Variants in SLC39A14 observed in about 807,000 individuals in gnomAD.
SLC39A14 encodes the protein solute carrier family 39 member 14, also known as metal cation symporter ZIP14.
A neutral mutation model predicts 45.5 loss-of-function variants in SLC39A14; 19 were observed. The observed-to-expected ratio is 0.42, with a 90% CI of 0.29 to 0.61. The LOEUF is 0.61. SLC39A14 is among the 20% of genes least tolerant of loss of function. The pLI is 0.22. For synonymous variants in SLC39A14, 264 were observed against 251.3 expected, an observed-to-expected ratio of 1.05 and a Z score of -0.48; for missense variants, 447 against 616.5, an observed-to-expected ratio of 0.73 and a Z score of 2.91.
intron 3 of SLC39A14, chr8:22,409,877 C>T (rs1461564415): frequency 3.7e-5 from 57 of 1,549,320 alleles, no homozygotes; most frequent in East Asian, 9.0e-5. Context: ...AGAACAGGGC[C>T]GCCCCAGGCA....
chr8:22,383,883 G>A (rs1022929265), intron 1 of SLC39A14, among the ~76,000 whole-genome samples: 1 of 152,142 alleles, frequency 6.6e-6, no homozygotes, highest in Non-Finnish European at 1.5e-5. Flanking sequence ...CCAGGTCCCT[G>A]GGCAGCAAGC....
At chr8:22,374,536 G>A (rs1433720656) in intron 1 of SLC39A14, among the ~76,000 whole-genome samples, 1 of 149,712 alleles carries the variant, frequency 6.7e-6, no homozygotes, top group Non-Finnish European at 1.5e-5. Context: ...GGAGAGCCGT[G>A]TGAATGCTGG....
chr8:22,411,980 G>A, intron 3 of SLC39A14, 57 bp from the exon 4 acceptor site: 1 of 1,483,560 alleles, frequency 6.7e-7, no homozygotes, highest in Non-Finnish European at 9.1e-7. Flanking sequence ...CTGTGCAATG[G>A]GGCATGTGCC....
chr8:22,431,262 C>G (rs1836462730), intron 8 of SLC39A14, among the ~76,000 whole-genome samples: 1 of 152,184 alleles, frequency 6.6e-6, no homozygotes, highest in Admixed American at 6.5e-5. Flanking sequence ...GCTGGGATTA[C>G]AGACGTGAGC....
chr8:22,425,020 C>A (rs933595663), downstream of SLC39A14, among the ~76,000 whole-genome samples: 1 of 127,256 alleles, frequency 7.9e-6, no homozygotes, highest in African/African-American at 3.3e-5. Flanking sequence ...CAGAGTGAGA[C>A]TCCGTCTCAA....
chr8:22,420,264 G>A lies in SLC39A14; in HGVS notation c.*566G>A. 1.0e-6 allele frequency: 1 copy of A among 985,446 alleles called. No individual in the cohort carries two copies. Among genetic ancestry groups the A allele is most frequent in the East Asian group, 1.1e-4 (1 of 8,828 alleles). The allele number at this position is 985,446 out of a possible 1,614,324, so 61.0% of individuals were successfully genotyped here. A position where few individuals can be genotyped will look rare whatever the true frequency, so the allele number is the denominator to read the frequency against. On this transcript the variant is annotated 3_prime_UTR_variant, in exon 9 of 9. Coordinates refer to ENST00000381237, the MANE Select transcript of SLC39A14 (RefSeq NM_001128431.4). ...AAGTCAGAACACATGAGCAGGGTGA[G>A]AGGTGAGGCAAGGTTCATCCTGAAT...
rs59846887 is a variant in SLC39A14, at chr8:22,428,441, CTTTT to C, written c.1333-5434_1333-5431del. On this transcript the variant is annotated intron_variant, in intron 8 of 8. Coordinates refer to the SLC39A14 transcript ENST00000240095. ...TTTTGTGTTCCTCGGTTCATATGTT[CTTTT>C]TTTTTTTTTTTTTTTGAGACTGAGT... is the stretch of plus-strand genomic sequence containing the variant. Among the ~76,000 whole-genome samples, 116 of 116,404 alleles carry C rather than the reference CTTTT, an allele frequency of 1.0e-3. 1 individual carries two copies. The highest frequency in any genetic ancestry group is 3.5e-3 in the African/African-American group (109 of 31,528). 76.4% of individuals were successfully genotyped at this position (116,404 alleles called of 152,430 possible). A position where few individuals can be genotyped will look rare whatever the true frequency, so the allele number is the denominator to read the frequency against.
Position 22,420,653 on chromosome 8 carries a change from A to C in SLC39A14, c.*955A>C. On this transcript the variant is annotated 3_prime_UTR_variant, in exon 9 of 9. Coordinates refer to ENST00000381237, the MANE Select transcript of SLC39A14 (RefSeq NM_001128431.4). ...CAGGTTGAGACGTCTGCAGAGTGGC[A>C]AGCTGACTTGTAGAAATGGGGTGCC... The C allele has an allele frequency of 2.0e-6, 2 of 985,432 alleles. No homozygotes were observed. Among genetic ancestry groups the C allele is most frequent in the Non-Finnish European group, 2.4e-6 (2 of 829,938 alleles). The allele number at this position is 985,432 out of a possible 1,614,324, so 61.0% of individuals were successfully genotyped here. A position where few individuals can be genotyped will look rare whatever the true frequency, so the allele number is the denominator to read the frequency against.
Position 22,408,600 on chromosome 8 carries a change from T to G in SLC39A14, c.457+104T>G, listed in dbSNP as rs1389209505. On this transcript the variant is annotated intron_variant, in intron 3 of 8. Coordinates refer to ENST00000381237, the MANE Select transcript of SLC39A14 (RefSeq NM_001128431.4). ...TGCTCCTCACTGAATGCCTCACCAG[T>G]GATGACCAGGATGAGGTTGTCGGTG... 20 of 1,076,942 alleles carry G rather than the reference T, an allele frequency of 1.9e-5. No individual in the cohort carries two copies. The Admixed American group carries it at 1.9e-4, about 10-fold the overall frequency. The allele number at this position is 1,076,942 out of a possible 1,614,324, so 66.7% of individuals were successfully genotyped here. A position where few individuals can be genotyped will look rare whatever the true frequency, so the allele number is the denominator to read the frequency against.
chr8:22,432,519 C>T (rs1836482129), intron 8 of SLC39A14, among the ~76,000 whole-genome samples: 1 of 151,672 alleles, frequency 6.6e-6, no homozygotes, highest in South Asian at 2.1e-4. Flanking sequence ...TGCTCTGCCA[C>T]CCAGGCTGTA....
chr8:22,410,555 T>C (rs1228558812), intron 3 of SLC39A14, among the ~76,000 whole-genome samples: 1 of 152,186 alleles, frequency 6.6e-6, no homozygotes, highest in Non-Finnish European at 1.5e-5. Flanking sequence ...CCAAGTGATA[T>C]GTAGAATTGG....
intron 1 of SLC39A14, among the ~76,000 whole-genome samples, chr8:22,385,972 C>T (rs933983504): frequency 6.6e-6 from 1 of 152,180 alleles, no homozygotes; most frequent in Non-Finnish European, 1.5e-5. Context: ...GACAGAGTCT[C>T]ACTCTTGCCT....
intron 1 of SLC39A14, among the ~76,000 whole-genome samples, chr8:22,371,261 C>T (rs1344509292): frequency 6.6e-6 from 1 of 152,050 alleles, no homozygotes; most frequent in Non-Finnish European, 1.5e-5. Flanking sequence ...GGGCAGGCCC[C>T]AGAGAATCTT....
At chr8:22,386,131 C>T (rs910042301) in intron 1 of SLC39A14, among the ~76,000 whole-genome samples, 4 of 150,916 alleles carry the variant, frequency 2.7e-5, no homozygotes, top group East Asian at 3.9e-4. Context: ...TTGGTAGAGA[C>T]GGGGTTTCAT....
intron 7 of SLC39A14, among the ~76,000 whole-genome samples, chr8:22,416,487 T>G (rs1185708645): frequency 2.0e-5 from 3 of 152,106 alleles, no homozygotes; most frequent in Non-Finnish European, 4.4e-5. Context: ...TGCAGTGATG[T>G]GATCTCGGCT....
chr8:22,409,675 C>G (rs1037813232), intron 3 of SLC39A14, among the ~76,000 whole-genome samples: 2 of 152,252 alleles, frequency 1.3e-5, no homozygotes, highest in East Asian at 3.8e-4. Flanking sequence ...CGCCACCGCA[C>G]CTGGCCTACT....
At chr8:22,385,320 G>A (rs1407789295) in intron 1 of SLC39A14, among the ~76,000 whole-genome samples, 1 of 152,114 alleles carries the variant, frequency 6.6e-6, no homozygotes, top group Non-Finnish European at 1.5e-5. Context: ...GTGTTGTTTG[G>A]GGATGGACAC....
intron 1 of SLC39A14, among the ~76,000 whole-genome samples, chr8:22,386,529 A>C (rs1391193574): frequency 6.6e-5 from 10 of 152,216 alleles, no homozygotes; most frequent in Non-Finnish European, 1.3e-4. Flanking sequence ...GGCCTCCCGA[A>C]GTGCTAGGAT....
At chr8:22,384,022 G>T (rs1450212703) in intron 1 of SLC39A14, among the ~76,000 whole-genome samples, 2 of 152,144 alleles carry the variant, frequency 1.3e-5, no homozygotes, top group Non-Finnish European at 2.9e-5. Context: ...CCTGTTCCCA[G>T]CTCCTCGGCC....
Sources: allele counts gnomAD v4.1 joint callset (sites outside exome capture counted in the v4.1 genomes callset), GRCh38; gene constraint gnomAD v4.1.1; transcripts MANE v1.5; gene names NCBI Gene and HGNC (gene_info 2026-07-23, HGNC 2026-07-21).